The following TTC8 variants were observed in gnomAD, a reference collection of about 807,000 sequenced individuals.
TTC8 encodes the protein tetratricopeptide repeat domain 8.
TTC8 carries 47 observed loss-of-function variants against 72.5 expected under a neutral mutation model. That is an observed-to-expected ratio of 0.65 (90% CI 0.51 to 0.83). The LOEUF is 0.83. Ranked by LOEUF, TTC8 falls within the 40% of genes least tolerant of loss-of-function variation. TTC8 has a pLI of 0.00. For missense variants in TTC8, 611 were observed against 623.2 expected (o/e 0.98, Z 0.21); for synonymous variants, 199 against 221.4 (o/e 0.90, Z 0.90).
At chr14:88,878,176 T>A (rs2094964341), downstream of TTC8, 1 of 152,150 alleles carries the variant, frequency 6.6e-6, no homozygotes, top group Non-Finnish European at 1.5e-5. Flanking sequence ...ATATTCAGAT[T>A]AGAAATAGAG....
chr14:88,831,075 G>GC, intron 1 of TTC8: 1 of 341,172 alleles, frequency 2.9e-6, no homozygotes, highest in South Asian at 2.3e-5. Context: ...TCACAACACG[G>GC]CTGACCAAAA....
chr14:88,839,620 A>G (rs946926865), intron 3 of TTC8, 48 bp downstream of exon 3: 10 of 1,602,128 alleles, frequency 6.2e-6, no homozygotes, highest in African/African-American at 1.3e-5. Context: ...ATTAAGAGGA[A>G]GAATACTGTG....
intron 2 of TTC8, among the ~76,000 whole-genome samples, chr14:88,836,351 G>C (rs935877370): frequency 7.2e-5 from 11 of 151,952 alleles, no homozygotes; most frequent in African/African-American, 2.7e-4. Flanking sequence ...AAAAAAGCTG[G>C]GTGTGATAGT....
At chr14:88,850,714 A>G (rs1054883694) in intron 7 of TTC8, among the ~76,000 whole-genome samples, 3 of 152,140 alleles carry the variant, frequency 2.0e-5, no homozygotes, top group African/African-American at 7.2e-5. Context: ...AATTGTCACA[A>G]ATGTTTTTCT....
downstream of TTC8, chr14:88,879,704 T>G (rs2094968159): frequency 6.6e-6 from 1 of 150,470 alleles, no homozygotes; most frequent in Non-Finnish European, 1.5e-5. Flanking sequence ...ATTATGACAG[T>G]CTTGCTCGGT....
intron 10 of TTC8, among the ~76,000 whole-genome samples, chr14:88,864,382 G>A (rs982055910): frequency 2.0e-5 from 3 of 152,204 alleles, no homozygotes; most frequent in African/African-American, 7.2e-5. Context: ...TGCCAGTGCA[G>A]TTGGAGCTCT....
chr14:88,825,186 T>C (rs1566827035), intron 1 of TTC8, among the ~76,000 whole-genome samples: 1 of 152,228 alleles, frequency 6.6e-6, no homozygotes, highest in Non-Finnish European at 1.5e-5. Flanking sequence ...TGTTAATTTC[T>C]AAAAAATATG....
At chr14:88,873,559 G>A (rs912137365) in intron 13 of TTC8, among the ~76,000 whole-genome samples, 8 of 152,234 alleles carry the variant, frequency 5.3e-5, no homozygotes, top group African/African-American at 1.9e-4. Context: ...CCTGCCGTAT[G>A]GTAGATGCTC....
chr14:88,861,283 A>C lies in TTC8; in HGVS notation c.860A>C (p.Lys287Thr). The part of the protein sequence containing the change: ...ALNLFKQGLD[K>T]FPGEVTLLCG... ...AATCTTTTCAAACAAGGCTTAGATA[A>C]GTTTCCAGGAGAAGTAACCCTGCTC... is the stretch of plus-strand genomic sequence containing the variant. The change falls in exon 10 of 15, where the codon AAG becomes ACG. Residue 287 changes from lysine (K) to threonine (T), a missense_variant. Lys to Thr is a moderately conservative substitution (Grantham distance 78). Transcript: ENST00000380656. 1 of 1,613,034 alleles carries C rather than the reference A, an allele frequency of 6.2e-7. No individual in the cohort carries two copies. Among genetic ancestry groups the C allele is most frequent in the Non-Finnish European group, 8.5e-7 (1 of 1,179,442 alleles).
chr14:88,825,674 G>T (rs1482744711), intron 1 of TTC8, among the ~76,000 whole-genome samples: 1 of 152,204 alleles, frequency 6.6e-6, no homozygotes. Flanking sequence ...CGTAGTTCTA[G>T]TTCCCTAGCT....
At chr14:88,877,210 A>C in intron 14 of TTC8, 84 bp from the exon 15 acceptor site, 1 of 974,906 alleles carries the variant, frequency 1.0e-6, no homozygotes, top group Non-Finnish European at 1.6e-6. Context: ...CAGCATGCAG[A>C]TACTATGTCT....
chr14:88,845,998 G>T (rs1206458201), intron 7 of TTC8, among the ~76,000 whole-genome samples: 1 of 151,820 alleles, frequency 6.6e-6, no homozygotes, highest in South Asian at 2.1e-4. Flanking sequence ...TGGATGGAGG[G>T]GGGAGTGGTC....
At chr14:88,841,687 CAGTCAGAAAT>C in intron 6 of TTC8, 173 bp downstream of exon 6, 2 of 654,198 alleles carry the variant, frequency 3.1e-6, no homozygotes, top group Non-Finnish European at 5.4e-6. Context: ...TAAGGAAGGT[CAGTCAGAAAT>C]AAAGTACATA....
chr14:88,831,779 G>A (rs2094727189), intron 1 of TTC8, among the ~76,000 whole-genome samples: 2 of 152,216 alleles, frequency 1.3e-5, no homozygotes, highest in Non-Finnish European at 2.9e-5. Context: ...GATGTCCAGT[G>A]AAATGGATGG....
At position 88,871,706 on chromosome 14, in the gene TTC8, T is replaced by C; in HGVS notation, c.1207T>C (p.Leu403=). The C allele has an allele frequency of 6.2e-7, 1 of 1,614,130 alleles. No homozygotes were observed. The highest frequency in any genetic ancestry group is 8.5e-7 in the Non-Finnish European group (1 of 1,179,994). Residue 403 remains leucine (L), a synonymous_variant, in exon 12 of 15, where the codon TTG becomes CTG. Coordinates refer to ENST00000380656, the MANE Select transcript of TTC8 (RefSeq NM_144596.4). The surrounding 1 kb of genome is among the most constrained non-coding windows in gnomAD (Gnocchi z 4.1). ...EEEAADVWYN[L]GHVAVGIGDT... ...AGAGGCAGCTGATGTCTGGTACAACTTGGGACATGTAGCTGTGGTATGTTG... is the reference window on the plus strand; with the variant it reads ...AGAGGCAGCTGATGTCTGGTACAACCTGGGACATGTAGCTGTGGTATGTTG...
In TTC8 at chr14:88,850,692, A is replaced by C. The variant is rs114299847; in HGVS notation, c.625-2279A>C. On this transcript the variant is annotated intron_variant, in intron 7 of 14. Transcript: ENST00000380656. Reference sequence around the variant, plus strand: ...CAACAGAGCAAGACTGTATCAAAAAAGAAAGGAAAGAAATTGTCACAAATG... The same window carrying C: ...CAACAGAGCAAGACTGTATCAAAAACGAAAGGAAAGAAATTGTCACAAATG... Among the ~76,000 whole-genome samples, 531 of 152,356 alleles carry C rather than the reference A, an allele frequency of 3.5e-3. 7 individuals carry two copies. Among genetic ancestry groups the C allele is most frequent in the African/African-American group, 0.012 (481 of 41,580 alleles).
intron 2 of TTC8, among the ~76,000 whole-genome samples, chr14:88,835,048 G>A (rs551164386): frequency 1.3e-5 from 2 of 152,246 alleles, no homozygotes; most frequent in South Asian, 4.1e-4. Context: ...ACTTCAAAAG[G>A]AATGAGGCTA....
chr14:88,872,244 C>G, intron 12 of TTC8, 86 bp from the exon 13 acceptor site: 1 of 1,571,266 alleles, frequency 6.4e-7, no homozygotes, highest in African/African-American at 1.4e-5. Flanking sequence ...TGCTTTTTGT[C>G]TGGTAGCAGA....
intron 2 of TTC8, among the ~76,000 whole-genome samples, chr14:88,839,049 G>GA: frequency 6.6e-6 from 1 of 152,326 alleles, no homozygotes; most frequent in East Asian, 1.9e-4. Context: ...TTTAGAACTG[G>GA]AAAATCAGGG....
Sources: allele counts gnomAD v4.1 joint callset (sites outside exome capture counted in the v4.1 genomes callset), GRCh38; gene constraint gnomAD v4.1.1; non-coding constraint Gnocchi (gnomAD v3.1); transcripts MANE v1.5; gene names NCBI Gene and HGNC (gene_info 2026-07-23, HGNC 2026-07-21).